SCNN1D: variants seen among roughly 807,000 people sequenced by gnomAD.
SCNN1D encodes sodium channel epithelial 1 subunit delta.
In SCNN1D, 104 loss-of-function variants were observed where a neutral mutation model predicts 87.8. The observed-to-expected ratio is 1.18, with a 90% confidence interval of 1.01 to 1.39. The LOEUF (loss-of-function observed/expected upper bound fraction) is 1.39. Ranked by LOEUF, SCNN1D falls within the 40% of genes most tolerant of loss-of-function variation. SCNN1D has a pLI of 0.00. For synonymous variants in SCNN1D, 628 were observed against 481.2 expected (o/e 1.31, Z -3.99); for missense variants, 1,324 against 1,093.9 (o/e 1.21, Z -2.97).
At position 1,286,041 on chromosome 1, in the gene SCNN1D, C is replaced by T; in HGVS notation, c.674C>T (p.Thr225Ile). ...ELPASFRELL[T>I]FFCTNATIHG... is the part of the protein sequence containing the mutation. ...CCCGCCTCGTTCCGGGAGCTGCTCA[C>T]CTTCTTCTGCACCAATGCCACCATC... Residue 225 changes from threonine to isoleucine, a missense_variant, in exon 7 of 18, where the codon ACC becomes ATC. Physicochemically the swap from Thr to Ile is moderately conservative, Grantham distance 89 (BLOSUM62 -1). Coordinates refer to ENST00000379116, the MANE Select transcript of SCNN1D (RefSeq NM_001130413.4). 6.3e-7 allele frequency: 1 copy of T among 1,580,018 alleles called. No individual in the cohort carries two copies. Among genetic ancestry groups the T allele is most frequent in the Non-Finnish European group, 8.6e-7 (1 of 1,163,298 alleles).
At position 1,290,173 on chromosome 1, in the gene SCNN1D, C is replaced by A; in HGVS notation, c.1663-98C>A. The A allele has an allele frequency of 1.9e-5, 5 of 268,874 alleles. 1 individual carries two copies. Among genetic ancestry groups the A allele is most frequent in the East Asian group, 1.4e-4 (1 of 7,028 alleles). 16.7% of individuals were successfully genotyped at this position (268,874 alleles called of 1,614,324 possible). ...CCGTGTCTCTGCTCCGTCCCGTGTC[C>A]CTGCTCCGTCCCGTGTCCCTGCTCC... On this transcript the variant is annotated intron_variant, in intron 12 of 17. Transcript: ENST00000379116.
chr1:1,281,649 G>A, intron 3 of SCNN1D, 39 bp downstream of exon 3: 1 of 1,515,280 alleles, frequency 6.6e-7, no homozygotes, highest in African/African-American at 1.4e-5. Flanking sequence ...TGCCCGGGAG[G>A]AGGGGAGGGG....
At chr1:1,285,350 A>T (rs1432687337) in intron 5 of SCNN1D, among the ~76,000 whole-genome samples, 1 of 152,094 alleles carries the variant, frequency 6.6e-6, no homozygotes, top group African/African-American at 2.4e-5. Context: ...TGGCCCCGGT[A>T]CTCAGCTCAA....
In SCNN1D at chr1:1,282,834, G is replaced by T. The variant is rs537621097; in HGVS notation, c.351+519G>T. Among the ~76,000 whole-genome samples the T allele has an allele frequency of 2.0e-5, 3 of 151,502 alleles. No homozygotes were observed. The East Asian group carries it at 5.8e-4, about 29-fold the overall frequency. On this transcript the variant is annotated intron_variant, in intron 4 of 17. Coordinates refer to ENST00000379116, the MANE Select transcript of SCNN1D (RefSeq NM_001130413.4). ...GTGGCACGATCTCGGCTCACTGCAA[G>T]CTCCGCCTCCTGGGTTCACACCATT...
intron 12 of SCNN1D, among the ~76,000 whole-genome samples, chr1:1,288,389 G>A (rs1640677226): frequency 2.7e-5 from 1 of 37,348 alleles, no homozygotes; most frequent in African/African-American, 3.0e-4. Context: ...TCCGTCCCGT[G>A]TCCCTGCTCC....
intron 12 of SCNN1D, among the ~76,000 whole-genome samples, 149 bp from the exon 13 acceptor site, chr1:1,290,105 CCGTCCCGTGTCTCTGCT>C (rs1640740277): frequency 6.4e-5 from 9 of 140,736 alleles, no homozygotes; most frequent in Admixed American, 1.4e-4. Flanking sequence ...TGTCTCTGCT[CCGTCCCGTGTCTCTGCT>C]CCGTCCCCCG....
chr1:1,281,427 T>A lies in SCNN1D; in HGVS notation c.94T>A (p.Cys32Ser). 1 of 1,521,092 alleles carries A rather than the reference T, an allele frequency of 6.6e-7. No individual in the cohort carries two copies. Among genetic ancestry groups the A allele is most frequent in the South Asian group, 1.2e-5 (1 of 81,868 alleles). The allele number at this position is 1,521,092 out of a possible 1,614,324, so 94.2% of individuals were successfully genotyped here. The change falls in exon 3 of 18, where the codon TGC becomes AGC. Residue 32 changes from cysteine to serine, a missense_variant. Physicochemically the swap from Cys to Ser is moderately radical, Grantham distance 112. Coordinates refer to ENST00000379116, the MANE Select transcript of SCNN1D (RefSeq NM_001130413.4). ...CTCATTCAGGCTCACCTGGTCATGG[T>A]GCAGTGACCACAGGACCCCCACATG... ...SGPRRLTWSW[C>S]SDHRTPTCRE... is the part of the protein sequence containing the mutation.
chr1:1,290,976 G>C, intron 16 of SCNN1D, 23 bp downstream of exon 16: 1 of 1,599,608 alleles, frequency 6.3e-7, no homozygotes, highest in Non-Finnish European at 8.5e-7. Flanking sequence ...TCCCCCTCCA[G>C]AGAGGCATCA....
Position 1,287,982 on chromosome 1 carries a change from C to A in SCNN1D, c.1607C>A (p.Ala536Asp). 1 of 1,546,894 alleles carries A rather than the reference C, an allele frequency of 6.5e-7. No individual in the cohort carries two copies. The highest frequency in any genetic ancestry group is 8.7e-7 in the Non-Finnish European group (1 of 1,145,502). The change falls in exon 12 of 18, where the codon GCC becomes GAC. Residue 536 changes from alanine (A) to aspartate (D), a missense_variant. Coordinates refer to ENST00000379116, the MANE Select transcript of SCNN1D (RefSeq NM_001130413.4). ...RLGSPYGHCTAGGEGVEVELL... is the reference protein window; with the variant it reads ...RLGSPYGHCTDGGEGVEVELL... ...GGGAGCCCCTACGGCCACTGCACCGCCGGCGGGGAAGGCGTGGAGGTGGAG... is the reference window on the plus strand; with the variant it reads ...GGGAGCCCCTACGGCCACTGCACCGACGGCGGGGAAGGCGTGGAGGTGGAG...
At position 1,291,541 on chromosome 1, in the gene SCNN1D, G is replaced by T; in HGVS notation, c.2340G>T (p.Gly780=). Residue 780 remains glycine (G), a synonymous_variant, in exon 18 of 18, where the codon GGG becomes GGT. Transcript: ENST00000379116. ...ATCTCCCACGGGTGATGCTTCCAGG[G>T]GTTCTGGCGGGAGTCTCAGCCGAAG... ...GPHLPRVMLP[G]VLAGVSAEES... 6.3e-7 allele frequency: 1 copy of T among 1,597,334 alleles called. No individual in the cohort carries two copies.
chr1:1,281,747 C>A (rs1640475651), intron 3 of SCNN1D, 137 bp downstream of exon 3: 2 of 799,092 alleles, frequency 2.5e-6, no homozygotes, highest in Non-Finnish European at 3.8e-6. Flanking sequence ...GGTGCTCTGC[C>A]CCCGGCCAGG....
chr1:1,286,104 G>T lies in SCNN1D; in HGVS notation c.737G>T (p.Arg246Leu). 2.5e-6 allele frequency: 4 copies of T among 1,609,952 alleles called. No homozygotes were observed. The highest frequency in any genetic ancestry group is 2.2e-5 in the South Asian group (2 of 90,494). The part of the protein sequence containing the change: ...AIRLVCSRGN[R>L]LKTTSWGLLS... ...CGCCTGGTCTGCTCCCGCGGGAACC[G>T]CCTCAAGACGACGTCCTGGGGGCTG... Residue 246 changes from arginine (R) to leucine (L), a missense_variant, in exon 7 of 18, where the codon CGC (arginine) becomes CTC (leucine). Physicochemically the swap from Arg to Leu is moderately radical, Grantham distance 102. Coordinates refer to ENST00000379116, the MANE Select transcript of SCNN1D (RefSeq NM_001130413.4).
At chr1:1,286,454 G>A (rs1640594664) in intron 7 of SCNN1D, among the ~76,000 whole-genome samples, 176 bp downstream of exon 7, 1 of 152,082 alleles carries the variant, frequency 6.6e-6, no homozygotes, top group African/African-American at 2.4e-5. Flanking sequence ...GGACCTCTCG[G>A]ACTGCCAAGG....
chr1:1,286,408 G>A (rs1005470253), intron 7 of SCNN1D, 130 bp downstream of exon 7: 28 of 771,874 alleles, frequency 3.6e-5, no homozygotes, highest in Non-Finnish European at 5.3e-5. Flanking sequence ...CCACCCTCCT[G>A]GTCACTGTGA....
chr1:1,287,576 A>C lies in SCNN1D; in HGVS notation c.1379A>C (p.Gln460Pro), dbSNP rs774469049. The C allele has an allele frequency of 1.2e-5, 19 of 1,590,262 alleles. No homozygotes were observed. In the African/African-American group the frequency reaches 2.4e-4, roughly 20 times the overall value. Residue 460 changes from glutamine (Q) to proline (P), a missense_variant, in exon 10 of 18, where the codon CAG becomes CCG. Gln to Pro is a moderately conservative substitution (Grantham distance 76). Coordinates refer to ENST00000379116, the MANE Select transcript of SCNN1D (RefSeq NM_001130413.4). The part of the protein sequence containing the change: ...CYTVDGVWTA[Q>P]RPGITHGVGL... ...ACGGTCGATGGCGTCTGGACAGCTC[A>C]GCGCCCCGGCATCACCCACGGTGGG...
intron 12 of SCNN1D, among the ~76,000 whole-genome samples, chr1:1,290,059 T>A (rs1391598842): frequency 3.4e-3 from 362 of 104,998 alleles, no homozygotes; most frequent in Middle Eastern, 0.011. Flanking sequence ...CTCCGTCCCG[T>A]GTCTCTGCTC....
At chr1:1,284,630 CTGGGGGTGCACAGTGTGTGCTGGACCAT>C (rs1640548875) in intron 5 of SCNN1D, among the ~76,000 whole-genome samples, 1 of 150,744 alleles carries the variant, frequency 6.6e-6, no homozygotes, top group African/African-American at 2.5e-5. Context: ...TGCTGGACCA[CTGGGGGTGCACAGTGTGTGCTGGACCAT>C]TGGGGGTGCA....
chr1:1,286,080 G>T lies in SCNN1D; in HGVS notation c.713G>T (p.Arg238Leu), dbSNP rs145759872. The change falls in exon 7 of 18, where the codon CGC (arginine) becomes CTC (leucine). Residue 238 changes from arginine (R) to leucine (L), a missense_variant. By Grantham distance (102) the Arg-to-Leu change is moderately radical. Coordinates refer to ENST00000379116, the MANE Select transcript of SCNN1D (RefSeq NM_001130413.4). Reference protein sequence around the residue: ...CTNATIHGAIRLVCSRGNRLK... With the variant: ...CTNATIHGAILLVCSRGNRLK... ...AATGCCACCATCCACGGCGCCATCCGCCTGGTCTGCTCCCGCGGGAACCGC... is the reference window on the plus strand; with the variant it reads ...AATGCCACCATCCACGGCGCCATCCTCCTGGTCTGCTCCCGCGGGAACCGC... The T allele has an allele frequency of 8.0e-5, 129 of 1,605,418 alleles. 1 individual carries two copies. In the South Asian group the frequency reaches 1.4e-3, roughly 17 times the overall value.
At position 1,286,272 on chromosome 1, in the gene SCNN1D, C is replaced by G; in HGVS notation, c.905C>G (p.Pro302Arg). ...CTGGTCACCCTGTGTGACGGGAACC[C>G]ACGTCGGTGAGGGCCAGGGCTGTCG... The part of the protein sequence containing the change: ...LPLVTLCDGN[P>R]RRPSPVLRHL... Residue 302 changes from proline to arginine, a missense_variant, in exon 7 of 18, where the codon CCA becomes CGA. By Grantham distance (103) the Pro-to-Arg change is moderately radical. Transcript: ENST00000379116. The G allele has an allele frequency of 1.3e-6, 2 of 1,579,306 alleles. No homozygotes were observed. The highest frequency in any genetic ancestry group is 2.3e-5 in the East Asian group (1 of 43,822).
Sources: gnomAD v4.1 joint callset for allele counts (sites outside exome capture counted in the v4.1 genomes callset) on GRCh38, gnomAD v4.1.1 for gene constraint, MANE v1.5 for transcripts, NCBI Gene and HGNC (gene_info 2026-07-23, HGNC 2026-07-21) for gene names.